Variants in NCKAP5 observed in about 807,000 individuals in gnomAD.
NCKAP5 encodes nck-associated protein 5.
Under a neutral mutation model 167.0 loss-of-function variants are expected in NCKAP5, and 92 were observed. The ratio of observed to expected loss-of-function variants is 0.55; its 90% CI spans 0.47 to 0.66. The LOEUF (loss-of-function observed/expected upper bound fraction) is 0.66, where lower values mean the gene tolerates loss of function less well. Among genes scored for constraint, NCKAP5 ranks in the 30% least tolerant of loss-of-function variants. The pLI is 0.00. For synonymous variants in NCKAP5, 891 were observed against 877.4 expected, an observed-to-expected ratio of 1.02 and a Z score of -0.27; for missense variants, 2,378 against 2,315.0, an observed-to-expected ratio of 1.03 and a Z score of -0.56.
At chr2:132,894,038 G>A (rs1028725485) in intron 8 of NCKAP5, among the ~76,000 whole-genome samples, 1 of 152,162 alleles carries the variant, frequency 6.6e-6, no homozygotes, top group African/African-American at 2.4e-5. Flanking sequence ...AGATGAGAGA[G>A]GGAAGACACT....
intron 11 of NCKAP5, among the ~76,000 whole-genome samples, chr2:132,836,635 A>C (rs563262608): frequency 6.6e-6 from 1 of 152,088 alleles, no homozygotes; most frequent in African/African-American, 2.4e-5. Flanking sequence ...ATCCTGGTGC[A>C]CCCATCACCC....
intron 6 of NCKAP5, among the ~76,000 whole-genome samples, chr2:133,093,953 A>G (rs768757396): frequency 7.9e-5 from 12 of 152,170 alleles, no homozygotes; most frequent in Non-Finnish European, 1.8e-4. Context: ...GGTCCCTACC[A>G]CTGCAGATGT....
intron 3 of NCKAP5, among the ~76,000 whole-genome samples, chr2:133,476,175 G>A (rs1252307338): frequency 6.6e-6 from 1 of 152,184 alleles, no homozygotes; most frequent in African/African-American, 2.4e-5. Flanking sequence ...GTTGAGCCCT[G>A]AAGGGTCTTT....
At chr2:133,058,619 G>GTTTTATCC (rs2079882592) in intron 6 of NCKAP5, among the ~76,000 whole-genome samples, 1 of 152,142 alleles carries the variant, frequency 6.6e-6, no homozygotes, top group Non-Finnish European at 1.5e-5. Context: ...AACATAAACA[G>GTTTTATCC]ATAAGTTACT....
At chr2:132,794,255 TATATATATAG>T (rs1337145598) in intron 12 of NCKAP5, among the ~76,000 whole-genome samples, 55 of 49,008 alleles carry the variant, frequency 1.1e-3, no homozygotes, top group South Asian at 5.4e-3. Flanking sequence ...TATATATATA[TATATATATAG>T]AGAGAGAGAG....
intron 3 of NCKAP5, among the ~76,000 whole-genome samples, chr2:133,370,817 G>T (rs1685761635): frequency 6.6e-6 from 1 of 151,316 alleles, no homozygotes; most frequent in South Asian, 2.1e-4. Flanking sequence ...AGACTTAAAG[G>T]ATTAGATTTC....
chr2:133,068,298 G>A (rs962110583), intron 6 of NCKAP5, among the ~76,000 whole-genome samples: 1 of 152,166 alleles, frequency 6.6e-6, no homozygotes, highest in African/African-American at 2.4e-5. Context: ...AGCTGCAAAT[G>A]TCCTCCCAGC....
chr2:133,277,783 C>T (rs72987616), intron 4 of NCKAP5, among the ~76,000 whole-genome samples: 3,991 of 152,068 alleles, frequency 0.026, 153 homozygotes, highest in African/African-American at 0.085. Context: ...GGTGCAGGTG[C>T]GTGTCTAGAC....
chr2:132,702,457 A>T (rs993762848), intron 19 of NCKAP5, among the ~76,000 whole-genome samples: 5 of 152,274 alleles, frequency 3.3e-5, no homozygotes, highest in African/African-American at 1.2e-4. Context: ...ATCAACTTAA[A>T]GGGGCAAGAG....
chr2:133,632,223 C>T, the NCKAP5 span, among the ~76,000 whole-genome samples: 1 of 152,204 alleles, frequency 6.6e-6, no homozygotes, highest in South Asian at 2.1e-4. Flanking sequence ...GTATGCCCTG[C>T]AGGCAGGAGC....
chr2:133,541,252 G>A (rs1686208601), intron 2 of NCKAP5, among the ~76,000 whole-genome samples: 1 of 149,412 alleles, frequency 6.7e-6, no homozygotes, highest in Admixed American at 6.7e-5. Flanking sequence ...TTCCTACTTT[G>A]TTAAAACTTT....
intron 4 of NCKAP5, among the ~76,000 whole-genome samples, chr2:133,274,394 T>C (rs2089645145): frequency 6.6e-6 from 1 of 151,964 alleles, no homozygotes; most frequent in Non-Finnish European, 1.5e-5. Flanking sequence ...ATGGAGTAAA[T>C]AGTAAAACAT....
In NCKAP5 at chr2:133,366,892, T is replaced by G. The variant is rs958156630; in HGVS notation, c.70-63782A>C. Among the ~76,000 whole-genome samples, 6 of 152,178 alleles carry G rather than the reference T, an allele frequency of 3.9e-5. No individual in the cohort carries two copies. In the East Asian group the frequency reaches 1.2e-3, roughly 29 times the overall value. On this transcript the variant is annotated intron_variant, in intron 3 of 19. Coordinates refer to ENST00000409261, the MANE Select transcript of NCKAP5 (RefSeq NM_207363.3). ...GCTTGCCCAATTTATCATAAGGAAA[T>G]AGTAAAACAAAGTTACAATAATGCC...
At chr2:133,413,851 T>C (rs985854872) in intron 3 of NCKAP5, among the ~76,000 whole-genome samples, 1 of 152,208 alleles carries the variant, frequency 6.6e-6, no homozygotes, top group Admixed American at 6.5e-5. Context: ...ATTTATGTTA[T>C]TTGTCTGGTC....
At chr2:133,598,015 G>C in the NCKAP5 span, among the ~76,000 whole-genome samples, 4 of 152,212 alleles carry the variant, frequency 2.6e-5, no homozygotes, top group South Asian at 4.1e-4. Context: ...CAGAGCTCCA[G>C]GTAGTGTGAC....
At chr2:132,709,878 G>A in intron 19 of NCKAP5, among the ~76,000 whole-genome samples, 1 of 151,914 alleles carries the variant, frequency 6.6e-6, no homozygotes. Flanking sequence ...ACACGACAAA[G>A]TACAAGAAAA....
intron 6 of NCKAP5, among the ~76,000 whole-genome samples, chr2:133,082,664 G>A (rs2080849718): frequency 6.6e-6 from 1 of 152,096 alleles, no homozygotes; most frequent in Non-Finnish European, 1.5e-5. Context: ...CCTCTTTTGA[G>A]GCACCTACGT....
At chr2:133,496,558 C>T (rs1378145252) in intron 3 of NCKAP5, among the ~76,000 whole-genome samples, 1 of 152,220 alleles carries the variant, frequency 6.6e-6, no homozygotes, top group Non-Finnish European at 1.5e-5. Context: ...GGCAACTTCA[C>T]ATTGACTAGA....
intron 8 of NCKAP5, among the ~76,000 whole-genome samples, chr2:132,908,724 C>G (rs113099511): frequency 6.6e-6 from 1 of 152,198 alleles, no homozygotes; most frequent in African/African-American, 2.4e-5. Flanking sequence ...GGAATTCTGA[C>G]TGTGACAAAA....
Sources: allele counts gnomAD v4.1 joint callset (sites outside exome capture counted in the v4.1 genomes callset), GRCh38; gene constraint gnomAD v4.1.1; transcripts MANE v1.5; gene names NCBI Gene and HGNC (gene_info 2026-07-23, HGNC 2026-07-21).